The following RASGRF2 variants were observed in gnomAD, a reference collection of about 807,000 sequenced individuals.
RASGRF2 encodes the protein Ras protein specific guanine nucleotide releasing factor 2.
Under a neutral mutation model 151.0 loss-of-function variants are expected in RASGRF2, and 76 were observed. The ratio of observed to expected loss-of-function variants is 0.50; its 90% CI spans 0.42 to 0.61. The LOEUF (loss-of-function observed/expected upper bound fraction) is 0.61, where lower values mean the gene tolerates loss of function less well. Among genes scored for constraint, RASGRF2 ranks in the 20% least tolerant of loss-of-function variants. The probability of loss-of-function intolerance (pLI) is 0.00; values close to 1 mark genes in which losing one functional copy is unlikely to be tolerated. For synonymous variants in RASGRF2, 504 were observed against 566.5 expected, an observed-to-expected ratio of 0.89 and a Z score of 1.57; for missense variants, 1,148 against 1,564.6, an observed-to-expected ratio of 0.73 and a Z score of 4.49.
chr5:80,965,782 G>A (rs956380470), intron 1 of RASGRF2, among the ~76,000 whole-genome samples: 1 of 152,132 alleles, frequency 6.6e-6, no homozygotes, highest in Non-Finnish European at 1.5e-5. Context: ...GTTTTAGCAA[G>A]CAAATGTCAG....
At chr5:81,202,936 CCT>C (rs1755430051) in intron 19 of RASGRF2, among the ~76,000 whole-genome samples, 1 of 152,248 alleles carries the variant, frequency 6.6e-6, no homozygotes, top group South Asian at 2.1e-4. Context: ...CGATTACAGA[CCT>C]CTGTCTGGAA....
chr5:80,994,983 A>G (rs769939739), intron 1 of RASGRF2, among the ~76,000 whole-genome samples: 4 of 152,282 alleles, frequency 2.6e-5, no homozygotes, highest in African/African-American at 7.2e-5. Context: ...AGGGCCGGGC[A>G]TGGTGGCTCA....
intron 7 of RASGRF2, among the ~76,000 whole-genome samples, chr5:81,082,011 A>T (rs1254513605): frequency 6.6e-6 from 1 of 152,236 alleles, no homozygotes; most frequent in Non-Finnish European, 1.5e-5. Context: ...TATATAGTAT[A>T]GCATTCTTCT....
At chr5:81,059,695 A>C (rs913238358) in intron 2 of RASGRF2, among the ~76,000 whole-genome samples, 1 of 151,456 alleles carries the variant, frequency 6.6e-6, no homozygotes, top group South Asian at 2.1e-4. Flanking sequence ...AAATATAAAA[A>C]TTAGCCAGGC....
intron 1 of RASGRF2, among the ~76,000 whole-genome samples, chr5:81,025,653 C>A (rs551056817): frequency 6.6e-6 from 1 of 152,276 alleles, no homozygotes; most frequent in African/African-American, 2.4e-5. Context: ...CCATTGGTTT[C>A]TGTTTGTTGT....
At chr5:81,082,332 G>A (rs1273661957) in intron 7 of RASGRF2, among the ~76,000 whole-genome samples, 2 of 152,074 alleles carry the variant, frequency 1.3e-5, no homozygotes, top group Non-Finnish European at 2.9e-5. Context: ...TTAAAATGCT[G>A]GGATACTCTC....
Position 81,226,678 on chromosome 5 carries a change from G to T in RASGRF2, c.*908G>T, listed in dbSNP as rs1008502139. ...ATCATCTCTGCACCTTGCTTTGTTTGTTTTCTTTCCCCACTCATAGTACTG... is the reference window on the plus strand; with the variant it reads ...ATCATCTCTGCACCTTGCTTTGTTTTTTTTCTTTCCCCACTCATAGTACTG... On this transcript the variant is annotated 3_prime_UTR_variant, in exon 27 of 27. Coordinates refer to ENST00000265080, the MANE Select transcript of RASGRF2 (RefSeq NM_006909.3). The T allele has an allele frequency of 1.1e-4, 17 of 152,128 alleles. No individual in the cohort carries two copies. The highest frequency in any genetic ancestry group is 2.7e-4 in the African/African-American group (11 of 41,432). The allele number at this position is 152,128 out of a possible 1,614,324, so 9.4% of individuals were successfully genotyped here.
intron 1 of RASGRF2, among the ~76,000 whole-genome samples, chr5:81,032,691 C>T (rs1102236): frequency 7.9e-5 from 12 of 152,032 alleles, no homozygotes; most frequent in South Asian, 4.2e-4. Flanking sequence ...GCCAATATCA[C>T]ACTGAATGGG....
At chr5:81,034,372 A>G (rs1377516533) in intron 1 of RASGRF2, among the ~76,000 whole-genome samples, 2 of 152,188 alleles carry the variant, frequency 1.3e-5, no homozygotes, top group Admixed American at 1.3e-4. Context: ...TAGTTCAACC[A>G]TTGTGGAAGA....
At chr5:81,095,588 C>T (rs923332885) in intron 12 of RASGRF2, among the ~76,000 whole-genome samples, 1 of 152,140 alleles carries the variant, frequency 6.6e-6, no homozygotes, top group African/African-American at 2.4e-5. Flanking sequence ...CATGATTGGA[C>T]TTGGACATTC....
intron 20 of RASGRF2, 89 bp from the exon 21 acceptor site, chr5:81,207,157 A>G: frequency 2.7e-6 from 3 of 1,101,122 alleles, no homozygotes; most frequent in East Asian, 2.4e-5. Flanking sequence ...TCATGCTTCC[A>G]CACATGCAGC....
intron 17 of RASGRF2, among the ~76,000 whole-genome samples, chr5:81,147,080 A>G (rs766470788): frequency 2.0e-5 from 3 of 152,202 alleles, no homozygotes; most frequent in Non-Finnish European, 2.9e-5. Context: ...TAAATGATCA[A>G]GATGTGAACT....
chr5:81,082,140 T>C (rs1193290226), intron 7 of RASGRF2, among the ~76,000 whole-genome samples: 1 of 149,842 alleles, frequency 6.7e-6, no homozygotes, highest in East Asian at 2.1e-4. Context: ...GAAAGACACA[T>C]GGGGCATTCA....
intron 17 of RASGRF2, among the ~76,000 whole-genome samples, chr5:81,173,805 T>A (rs1017977724): frequency 6.6e-6 from 1 of 152,226 alleles, no homozygotes; most frequent in African/African-American, 2.4e-5. Flanking sequence ...TTTTGAGTTT[T>A]GTAAATTTGG....
At chr5:81,088,087 T>G (rs971860383) in intron 9 of RASGRF2, 1 of 152,278 alleles carries the variant, frequency 6.6e-6, no homozygotes. Context: ...CTTTTTTCTT[T>G]AAATAAGGGT....
chr5:80,969,812 C>CTTTT (rs1561531426), intron 1 of RASGRF2, among the ~76,000 whole-genome samples: 4 of 98,908 alleles, frequency 4.0e-5, no homozygotes, highest in African/African-American at 1.8e-4. Context: ...AATACTTCTT[C>CTTTT]TTCTTTTTTT....
chr5:81,064,931 T>C (rs1580272472), intron 2 of RASGRF2, among the ~76,000 whole-genome samples: 1 of 151,934 alleles, frequency 6.6e-6, no homozygotes, highest in East Asian at 1.9e-4. Context: ...ATAAAAAGGG[T>C]CGTTAGTGGA....
chr5:81,184,916 G>A (rs1456574746), intron 18 of RASGRF2, among the ~76,000 whole-genome samples: 1 of 152,236 alleles, frequency 6.6e-6, no homozygotes, highest in Non-Finnish European at 1.5e-5. Context: ...AACAGCCACT[G>A]GACTTAACGT....
intron 1 of RASGRF2, among the ~76,000 whole-genome samples, chr5:80,977,965 AT>A (rs1366265473): frequency 1.3e-4 from 20 of 152,332 alleles, no homozygotes; most frequent in Middle Eastern, 3.4e-3. Context: ...TGTTTAGTGG[AT>A]GGTAAATTCC....
Sources: gnomAD v4.1 joint callset for allele counts (sites outside exome capture counted in the v4.1 genomes callset) on GRCh38, gnomAD v4.1.1 for gene constraint, MANE v1.5 for transcripts, NCBI Gene and HGNC (gene_info 2026-07-23, HGNC 2026-07-21) for gene names.